The following SLC4A11 variants were observed in gnomAD, a reference collection of about 807,000 sequenced individuals.
SLC4A11 encodes bicarbonate transporter related protein 1.
A neutral mutation model predicts 95.0 loss-of-function variants in SLC4A11; 74 were observed. The ratio of observed to expected loss-of-function variants is 0.78; its 90% CI spans 0.65 to 0.95. SLC4A11 has a LOEUF of 0.95. Among genes scored for constraint, SLC4A11 ranks in the 40% least tolerant of loss-of-function variants. The probability of loss-of-function intolerance (pLI) is 0.00; values close to 1 mark genes in which losing one functional copy is unlikely to be tolerated. For missense variants in SLC4A11, 1,081 were observed against 1,192.4 expected, an observed-to-expected ratio of 0.91 and a Z score of 1.38; for synonymous variants, 548 against 519.0, an observed-to-expected ratio of 1.06 and a Z score of -0.76.
rs1040781193 is a variant in SLC4A11 at position 3,233,390 on chromosome 20, C to T, written c.729+124G>A. On this transcript the variant is annotated intron_variant, in intron 7 of 19. Coordinates refer to ENST00000642402, the MANE Select transcript of SLC4A11 (RefSeq NM_001174089.2). ...CATGTTTCTGACACACCCACAGGGC[C>T]GAGGCGAAGGGGAGGGTGAGGACCA... is the stretch of plus-strand genomic sequence containing the variant. 24 of 1,434,068 alleles carry T rather than the reference C, an allele frequency of 1.7e-5. 1 individual carries two copies. Among genetic ancestry groups the T allele is most frequent in the Middle Eastern group, 1.8e-4 (1 of 5,688 alleles). The allele number at this position is 1,434,068 out of a possible 1,614,324, so 88.8% of individuals were successfully genotyped here.
chr20:3,234,188 G>T lies in SLC4A11; in HGVS notation c.418C>A (p.Leu140Ile). ...TSLDNVLRTM[L>I]RRFARDPDNN... ...TCAGGGTCCCTGGCGAAGCGGCGAA[G>T]CATGGTCCGCAGCACGTTATCCAGG... The change falls in exon 5 of 20, where the codon CTT (leucine) becomes ATT (isoleucine). Residue 140 changes from leucine to isoleucine, a missense_variant. Physicochemically the swap from Leu to Ile is conservative, Grantham distance 5 (BLOSUM62 2). This residue lies in a region of SLC4A11 where 310 missense variants were observed against 313.5 expected (regional missense o/e 0.99). Coordinates refer to ENST00000642402, the MANE Select transcript of SLC4A11 (RefSeq NM_001174089.2). This position sits in a 1 kb window ranked among gnomAD's most constrained non-coding sequence, Gnocchi z 5.8. 1 of 1,614,126 alleles carries T rather than the reference G, an allele frequency of 6.2e-7. No homozygotes were observed. The highest frequency in any genetic ancestry group is 1.1e-5 in the South Asian group (1 of 91,090).
chr20:3,233,705 C>A, intron 6 of SLC4A11, 68 bp from the exon 7 acceptor site: 2 of 1,600,832 alleles, frequency 1.2e-6, no homozygotes, highest in Non-Finnish European at 1.7e-6. Context: ...CGACCCAGAA[C>A]CCCCTCGACC....
chr20:3,233,394 G>A, intron 7 of SLC4A11, 120 bp downstream of exon 7: 3 of 1,465,128 alleles, frequency 2.0e-6, no homozygotes, highest in South Asian at 1.2e-5. Flanking sequence ...CAGGGCCGAG[G>A]CGAAGGGGAG....
chr20:3,235,502 G>A (rs1259287879), intron 2 of SLC4A11, among the ~76,000 whole-genome samples: 1 of 152,130 alleles, frequency 6.6e-6, no homozygotes, highest in East Asian at 1.9e-4. Context: ...GCTGACAGGG[G>A]AGAGGACCCC....
At position 3,234,999 on chromosome 20, in the gene SLC4A11, G is replaced by A. The variant is rs997165131; in HGVS notation, c.89-105C>T. 25 of 1,422,888 alleles carry A rather than the reference G, an allele frequency of 1.8e-5. No homozygotes were observed. Among genetic ancestry groups the A allele is most frequent in the African/African-American group, 1.4e-4 (10 of 71,154 alleles). The allele number at this position is 1,422,888 out of a possible 1,614,324, so 88.1% of individuals were successfully genotyped here. A position where few individuals can be genotyped will look rare whatever the true frequency, so the allele number is the denominator to read the frequency against. On this transcript the variant is annotated intron_variant, in intron 2 of 19. Transcript: ENST00000642402. This position sits in a 1 kb window ranked among gnomAD's most constrained non-coding sequence, Gnocchi z 5.8. Reference sequence around the variant, plus strand: ...GGGACCCCTGGACTGTCCCACTCTCGGGCCGTGGTGGGAGAGGCCATCCCA... The same window carrying A: ...GGGACCCCTGGACTGTCCCACTCTCAGGCCGTGGTGGGAGAGGCCATCCCA...
rs1226567279 is a variant in SLC4A11, at chr20:3,227,778, G to T, written c.*9C>A. The T allele has an allele frequency of 1.9e-6, 3 of 1,612,472 alleles. No homozygotes were observed. The highest frequency in any genetic ancestry group is 1.3e-5 in the African/African-American group (1 of 74,898). On this transcript the variant is annotated 3_prime_UTR_variant, in exon 20 of 20. Coordinates refer to ENST00000642402, the MANE Select transcript of SLC4A11 (RefSeq NM_001174089.2). ...GGCTGGCGAATGGGGCGTGGGCAGG[G>T]TCTGCCAGTCAAGGCCTGTGCTCAG... is the stretch of plus-strand genomic sequence containing the variant.
chr20:3,229,223 C>T lies in SLC4A11; in HGVS notation c.1890G>A (p.Ala630=), dbSNP rs376848818. ...GGGACAGCGACTGGATCTGCGCCATCGCAAAGGGGCTCTCGCTGGGGTTGT... is the reference window on the plus strand; with the variant it reads ...GGGACAGCGACTGGATCTGCGCCATTGCAAAGGGGCTCTCGCTGGGGTTGT... ...FRYNPSESPF[A]MAQIQSLSLR... The change falls in exon 16 of 20, where the codon GCG becomes GCA. Residue 630 remains alanine (A), a synonymous_variant. Transcript: ENST00000642402. 9.5e-5 allele frequency: 154 copies of T among 1,612,766 alleles called. No homozygotes were observed. Among genetic ancestry groups the T allele is most frequent in the East Asian group, 6.7e-4 (30 of 44,878 alleles).
At chr20:3,237,252 G>C (rs1286541976) in intron 2 of SLC4A11, among the ~76,000 whole-genome samples, 1 of 152,218 alleles carries the variant, frequency 6.6e-6, no homozygotes, top group Admixed American at 6.5e-5. Context: ...AGAATTCTTG[G>C]CCCAAGGCTA....
Position 3,229,186 on chromosome 20 carries a change from T to C in SLC4A11, c.1927A>G (p.Ser643Gly). Residue 643 changes from serine to glycine, a missense_variant, in exon 16 of 20, where the codon AGC (serine) becomes GGC (glycine). Transcript: ENST00000642402. Reference protein sequence around the residue: ...QIQSLSLRAVSGAMGLGFLLS... With the variant: ...QIQSLSLRAVGGAMGLGFLLS... ...AGGAAGCCGAGGCCCATGGCACCGC[T>C]GACGGCCCTCAGGGACAGCGACTGG... is the stretch of plus-strand genomic sequence containing the variant. 1.2e-6 allele frequency: 2 copies of C among 1,612,272 alleles called. No individual in the cohort carries two copies. The highest frequency in any genetic ancestry group is 1.7e-6 in the Non-Finnish European group (2 of 1,179,924).
chr20:3,238,199 G>C, intron 1 of SLC4A11: 1 of 1,422,098 alleles, frequency 7.0e-7, no homozygotes, highest in Non-Finnish European at 9.2e-7. Flanking sequence ...GAGAACAATT[G>C]GGGGTGGGAG....
chr20:3,232,349 GC>G (rs1436878469), intron 7 of SLC4A11, among the ~76,000 whole-genome samples: 2 of 152,264 alleles, frequency 1.3e-5, no homozygotes, highest in Non-Finnish European at 2.9e-5. Flanking sequence ...GGCAGTGTCT[GC>G]CCGTCTGTTG....
rs753882166 is a variant in SLC4A11 at position 3,231,496 on chromosome 20, G to A, written c.782C>T (p.Ser261Leu). Residue 261 changes from serine (S) to leucine (L), a missense_variant, in exon 8 of 20, where the codon TCG becomes TTG. This residue lies in a region of SLC4A11 where 767 missense variants were observed against 858.0 expected (regional missense o/e 0.89). Transcript: ENST00000642402. The surrounding 1 kb of genome is among the most constrained non-coding windows in gnomAD (Gnocchi z 5.2). The part of the protein sequence containing the change: ...EVARTFATMF[S>L]DIAFRQKLLE... ...GAGCTTCTGGCGGAAGGCGATATCC[G>A]AGAACATGGTGGCAAACGTGCGCGC... 7.4e-6 allele frequency: 12 copies of A among 1,613,938 alleles called. No homozygotes were observed. Among genetic ancestry groups the A allele is most frequent in the Admixed American group, 5.0e-5 (3 of 60,014 alleles).
intron 1 of SLC4A11, chr20:3,238,096 C>A (rs1359146296): frequency 6.8e-7 from 1 of 1,463,184 alleles, no homozygotes; most frequent in African/African-American, 1.4e-5. Flanking sequence ...CCCCGTCACG[C>A]GCCCCGGGTC....
At chr20:3,232,078 T>C (rs1431209644) in intron 7 of SLC4A11, among the ~76,000 whole-genome samples, 2 of 152,238 alleles carry the variant, frequency 1.3e-5, no homozygotes, top group Non-Finnish European at 2.9e-5. Context: ...ACTCATGATT[T>C]CTTATAAACT....
rs751274885 is a variant in SLC4A11 at position 3,234,218 on chromosome 20, T to C, written c.388A>G (p.Thr130Ala). Residue 130 changes from threonine to alanine, a missense_variant, in exon 5 of 20, where the codon ACC becomes GCC. By Grantham distance (58) the Thr-to-Ala change is moderately conservative. Coordinates refer to ENST00000642402, the MANE Select transcript of SLC4A11 (RefSeq NM_001174089.2). The surrounding 1 kb of genome is among the most constrained non-coding windows in gnomAD (Gnocchi z 5.8). Reference sequence around the variant, plus strand: ...GTCCGCAGCACGTTATCCAGGGAGGTGGCCGTCTCGTTCAGGACGATGCTG... The same window carrying C: ...GTCCGCAGCACGTTATCCAGGGAGGCGGCCGTCTCGTTCAGGACGATGCTG... ...QASIVLNETA[T>A]SLDNVLRTML... 1.1e-5 allele frequency: 17 copies of C among 1,613,870 alleles called. No individual in the cohort carries two copies. The highest frequency in any genetic ancestry group is 4.0e-5 in the African/African-American group (3 of 74,886).
intron 13 of SLC4A11, 63 bp downstream of exon 13, chr20:3,230,124 A>G (rs1282831179): frequency 9.6e-6 from 15 of 1,563,472 alleles, no homozygotes; most frequent in African/African-American, 1.4e-5. Flanking sequence ...AGCCAGGGGC[A>G]GTGCAGAACC....
chr20:3,231,672 T>G lies in SLC4A11; in HGVS notation c.730-124A>C. 1.1e-6 allele frequency: 1 copy of G among 878,818 alleles called. No individual in the cohort carries two copies. The highest frequency in any genetic ancestry group is 1.8e-6 in the Non-Finnish European group (1 of 552,462). 54.4% of individuals were successfully genotyped at this position (878,818 alleles called of 1,614,324 possible). A position where few individuals can be genotyped will look rare whatever the true frequency, so the allele number is the denominator to read the frequency against. The stretch of plus-strand genomic sequence containing the variant: ...TTGTCTGTTTGTTTTTTGTGTTTTT[T>G]TGAGACAGGGTCTCACTGTCACCCA... On this transcript the variant is annotated intron_variant, in intron 7 of 19. Transcript: ENST00000642402. This position sits in a 1 kb window ranked among gnomAD's most constrained non-coding sequence, Gnocchi z 5.2.
chr20:3,238,177 T>C (rs1342150920), intron 1 of SLC4A11: 2 of 1,439,790 alleles, frequency 1.4e-6, no homozygotes, highest in African/African-American at 2.9e-5. Context: ...CCAGAGCCGT[T>C]GGTCCAAAAG....
chr20:3,237,517 C>T (rs2068019140), intron 2 of SLC4A11, 27 bp downstream of exon 2: 2 of 1,611,738 alleles, frequency 1.2e-6, no homozygotes, highest in Non-Finnish European at 1.7e-6. Context: ...TCTCTCTGCA[C>T]ACACACACTC....
Sources: gnomAD v4.1 joint callset for allele counts (sites outside exome capture counted in the v4.1 genomes callset) on GRCh38, gnomAD v4.1.1 for gene constraint, gnomAD v4.1.1 regional missense constraint, Gnocchi (gnomAD v3.1) non-coding constraint, MANE v1.5 for transcripts, NCBI Gene and HGNC (gene_info 2026-07-23, HGNC 2026-07-21) for gene names.